The following RBFOX3 variants were observed in gnomAD, a reference collection of about 807,000 sequenced individuals.
RBFOX3 encodes the protein RNA binding protein fox-1 homolog 3.
In RBFOX3, 17 loss-of-function variants were observed where a neutral mutation model predicts 48.7. The ratio of observed to expected loss-of-function variants is 0.35; its 90% CI spans 0.24 to 0.52. The LOEUF (loss-of-function observed/expected upper bound fraction) is 0.52. RBFOX3 is among the 20% of genes least tolerant of loss of function. The pLI, the probability that RBFOX3 is intolerant of heterozygous loss-of-function variation, is 0.94. For synonymous variants in RBFOX3, 212 were observed against 209.5 expected (o/e 1.01, Z -0.10); for missense variants, 382 against 497.5 (o/e 0.77, Z 2.21).
chr17:79,398,139 G>A (rs6501302), intron 2 of RBFOX3, among the ~76,000 whole-genome samples: 9,458 of 152,132 alleles, frequency 0.062, 784 homozygotes, highest in African/African-American at 0.19. Flanking sequence ...CCAATCTAGT[G>A]CTTTGCAAGA....
chr17:79,440,858 C>T (rs997963430), intron 2 of RBFOX3, among the ~76,000 whole-genome samples: 13 of 152,182 alleles, frequency 8.5e-5, no homozygotes, highest in African/African-American at 2.9e-4. Context: ...GGGTTTGTCC[C>T]TCAGAGGCCT....
chr17:79,482,817 C>T lies in RBFOX3; in HGVS notation c.-319-219G>A, dbSNP rs1268153274. 6.6e-6 allele frequency among the ~76,000 whole-genome samples: 1 copy of T among 152,026 alleles called. No homozygotes were observed. Among genetic ancestry groups the T allele is most frequent in the Non-Finnish European group, 1.5e-5 (1 of 68,000 alleles). ...AAAAGGAAACTTGCAGAAAACACATCATTAGGACCCTATTGCCAAACAGCC... is the reference window on the plus strand; with the variant it reads ...AAAAGGAAACTTGCAGAAAACACATTATTAGGACCCTATTGCCAAACAGCC... On this transcript the variant is annotated intron_variant, in intron 1 of 14. Coordinates refer to ENST00000693108, the MANE Select transcript of RBFOX3 (RefSeq NM_001350451.2). The surrounding 1 kb of genome is among the most constrained non-coding windows in gnomAD (Gnocchi z 4.1).
chr17:79,129,044 C>G (rs1206187539), intron 4 of RBFOX3, among the ~76,000 whole-genome samples: 1 of 152,088 alleles, frequency 6.6e-6, no homozygotes, highest in African/African-American at 2.4e-5. Context: ...ACCCTGAGCA[C>G]AAGTGCTTGT....
chr17:79,590,691 T>C (rs1274621666), intron 1 of RBFOX3, among the ~76,000 whole-genome samples: 5 of 152,118 alleles, frequency 3.3e-5, no homozygotes, highest in Admixed American at 6.5e-5. Flanking sequence ...GCACCGAAAG[T>C]GGAGCAAGAG....
chr17:79,123,560 G>A, intron 4 of RBFOX3, among the ~76,000 whole-genome samples: 1 of 152,032 alleles, frequency 6.6e-6, no homozygotes, highest in South Asian at 2.1e-4. Context: ...ACACACAGAG[G>A]GGACACGCTA....
the RBFOX3 span, among the ~76,000 whole-genome samples, chr17:79,616,777 C>T: frequency 5.9e-3 from 894 of 152,284 alleles, 17 homozygotes; most frequent in East Asian, 0.057. Flanking sequence ...GATCAAAACG[C>T]CCCACTACTG....
intron 2 of RBFOX3, among the ~76,000 whole-genome samples, chr17:79,428,921 T>G (rs1207029424): frequency 2.0e-5 from 3 of 152,238 alleles, no homozygotes; most frequent in African/African-American, 4.8e-5. Context: ...TTGCCCTTGC[T>G]CCATGGACAG....
intron 2 of RBFOX3, among the ~76,000 whole-genome samples, chr17:79,411,408 C>T (rs866513186): frequency 3.3e-5 from 5 of 152,282 alleles, no homozygotes; most frequent in Middle Eastern, 3.4e-3. Flanking sequence ...GGCCTCTGCA[C>T]GCACCGTCCC....
chr17:79,594,538 C>T (rs946055184), intron 1 of RBFOX3, among the ~76,000 whole-genome samples: 102 of 152,310 alleles, frequency 6.7e-4, no homozygotes, highest in Non-Finnish European at 1.2e-3. Flanking sequence ...GCTGTGCAGC[C>T]CGGCCCCTGC....
chr17:79,571,878 C>T (rs2092689875), intron 1 of RBFOX3, among the ~76,000 whole-genome samples: 1 of 152,152 alleles, frequency 6.6e-6, no homozygotes, highest in Admixed American at 6.5e-5. Flanking sequence ...GGGCAGAAGA[C>T]TGTGCCTATG....
At chr17:79,290,743 A>G (rs9905852) in intron 3 of RBFOX3, among the ~76,000 whole-genome samples, 62,478 of 151,992 alleles carry the variant, frequency 0.41, 13,098 homozygotes, top group Middle Eastern at 0.52. Flanking sequence ...ATAGTTACAT[A>G]CATCTCATCG....
At chr17:79,602,837 G>A (rs1303053212) in intron 1 of RBFOX3, among the ~76,000 whole-genome samples, 2 of 152,152 alleles carry the variant, frequency 1.3e-5, no homozygotes, top group African/African-American at 2.4e-5. Flanking sequence ...GGGAAGGGCT[G>A]GGGGAGGGAG....
chr17:79,559,605 G>A, intron 1 of RBFOX3, among the ~76,000 whole-genome samples: 3 of 143,746 alleles, frequency 2.1e-5, no homozygotes, highest in East Asian at 2.2e-4. Context: ...AGAGTGATGA[G>A]TGAATAGGTA....
At chr17:79,095,343 G>T (rs2074994401) in intron 13 of RBFOX3, among the ~76,000 whole-genome samples, 170 bp downstream of exon 13, 1 of 152,182 alleles carries the variant, frequency 6.6e-6, no homozygotes, top group African/African-American at 2.4e-5. Flanking sequence ...GAAGTCAGGG[G>T]CTCACTGGCT....
At chr17:79,226,002 T>C (rs1230151446) in intron 4 of RBFOX3, among the ~76,000 whole-genome samples, 1 of 151,850 alleles carries the variant, frequency 6.6e-6, no homozygotes, top group Non-Finnish European at 1.5e-5. Context: ...TCAGAGTAAG[T>C]GTAATTGATG....
chr17:79,313,602 C>T (rs1224857976), intron 2 of RBFOX3, among the ~76,000 whole-genome samples: 2 of 152,150 alleles, frequency 1.3e-5, no homozygotes, highest in Non-Finnish European at 2.9e-5. Context: ...GAGAGATGGG[C>T]GGGGCGGGAC....
the RBFOX3 span, among the ~76,000 whole-genome samples, chr17:79,643,839 C>T: frequency 9.2e-5 from 14 of 151,928 alleles, no homozygotes; most frequent in African/African-American, 1.7e-4. Flanking sequence ...TTAAAAAAGA[C>T]GTTCTCAAAT....
chr17:79,122,052 C>G (rs1471036508), intron 4 of RBFOX3, among the ~76,000 whole-genome samples: 1 of 152,080 alleles, frequency 6.6e-6, no homozygotes, highest in African/African-American at 2.4e-5. Context: ...CAGGAAACAC[C>G]TGCCCCCCAG....
chr17:79,185,135 G>C (rs1023376109), intron 4 of RBFOX3, among the ~76,000 whole-genome samples: 1 of 151,680 alleles, frequency 6.6e-6, no homozygotes, highest in Non-Finnish European at 1.5e-5. Flanking sequence ...TGTGGAGTCC[G>C]GGAGGGAGGC....
Sources: gnomAD v4.1 joint callset for allele counts (sites outside exome capture counted in the v4.1 genomes callset) on GRCh38, gnomAD v4.1.1 for gene constraint, Gnocchi (gnomAD v3.1) non-coding constraint, MANE v1.5 for transcripts, NCBI Gene and HGNC (gene_info 2026-07-23, HGNC 2026-07-21) for gene names.